The following GRIP1 variants were observed in gnomAD, a reference collection of about 807,000 sequenced individuals.
The protein encoded by GRIP1 is glutamate receptor interacting protein 1, also known as glutamate receptor-interacting protein 1.
Under a neutral mutation model 129.9 loss-of-function variants are expected in GRIP1, and 45 were observed. The ratio of observed to expected loss-of-function variants is 0.35; its 90% CI spans 0.27 to 0.44. The LOEUF is 0.44. GRIP1 is among the 20% of genes least tolerant of loss of function. The pLI is 1.00. For missense variants in GRIP1, 1,196 were observed against 1,396.8 expected, an observed-to-expected ratio of 0.86 and a Z score of 2.29; for synonymous variants, 530 against 520.8, an observed-to-expected ratio of 1.02 and a Z score of -0.24.
intron 13 of GRIP1, among the ~76,000 whole-genome samples, chr12:66,436,341 G>A (rs1192822203): frequency 1.3e-5 from 2 of 152,008 alleles, no homozygotes; most frequent in Admixed American, 1.3e-4. Flanking sequence ...CCATAATGAT[G>A]GCAAACATTA....
intron 1 of GRIP1, among the ~76,000 whole-genome samples, chr12:66,779,236 T>C (rs893050987): frequency 1.3e-5 from 2 of 152,166 alleles, no homozygotes; most frequent in Admixed American, 6.5e-5. Context: ...GACTTTACTA[T>C]CTGACAAACC....
chr12:66,668,282 A>G (rs2033901163), intron 1 of GRIP1, among the ~76,000 whole-genome samples: 1 of 152,198 alleles, frequency 6.6e-6, no homozygotes. Flanking sequence ...AAATTTATCA[A>G]CAAACCATTT....
chr12:66,570,786 C>T (rs775333455), intron 2 of GRIP1, among the ~76,000 whole-genome samples: 3 of 152,100 alleles, frequency 2.0e-5, no homozygotes, highest in Non-Finnish European at 2.9e-5. Context: ...AGAACTCCCT[C>T]CCCTCAAATT....
chr12:66,771,666 A>T (rs2136725779), intron 1 of GRIP1, among the ~76,000 whole-genome samples: 1 of 152,292 alleles, frequency 6.6e-6, no homozygotes, highest in South Asian at 2.1e-4. Context: ...TACACAAATG[A>T]CCTGGCTTTT....
intron 15 of GRIP1, among the ~76,000 whole-genome samples, chr12:66,412,108 T>C (rs900613951): frequency 2.0e-5 from 3 of 152,142 alleles, no homozygotes; most frequent in Non-Finnish European, 4.4e-5. Flanking sequence ...AGGCCAACAT[T>C]CAAATTTAGG....
chr12:66,759,314 CA>C lies in GRIP1; in HGVS notation c.-420+44738del, dbSNP rs573766443. Among the ~76,000 whole-genome samples, 20 of 152,342 alleles carry C rather than the reference CA, an allele frequency of 1.3e-4. No individual in the cohort carries two copies. In the East Asian group the frequency reaches 3.7e-3, roughly 28 times the overall value. On this transcript the variant is annotated intron_variant, in intron 1 of 4. Coordinates refer to the GRIP1 transcript ENST00000538373. ...CCCCTTTCACCCATGGCTGGAGCCA[CA>C]GGGCACCAAGTCCCTAGGCTGCACA...
At chr12:66,433,686 T>C (rs551348640) in intron 13 of GRIP1, among the ~76,000 whole-genome samples, 2 of 152,322 alleles carry the variant, frequency 1.3e-5, no homozygotes, top group Admixed American at 6.5e-5. Context: ...AAAATGGAAA[T>C]ATCCATTGAA....
intron 7 of GRIP1, among the ~76,000 whole-genome samples, chr12:66,513,871 C>A (rs1194946132): frequency 6.6e-6 from 1 of 152,128 alleles, no homozygotes; most frequent in African/African-American, 2.4e-5. Context: ...ACTTGGAGGG[C>A]TCTTCCCTAA....
At chr12:66,634,896 G>A (rs545376552) in intron 1 of GRIP1, among the ~76,000 whole-genome samples, 149 of 152,304 alleles carry the variant, frequency 9.8e-4, no homozygotes, top group African/African-American at 3.4e-3. Flanking sequence ...GGGTGGGAGA[G>A]ATCTCTGGAC....
At chr12:66,613,748 G>A (rs188446666) in intron 1 of GRIP1, among the ~76,000 whole-genome samples, 128 of 152,258 alleles carry the variant, frequency 8.4e-4, no homozygotes, top group African/African-American at 2.9e-3. Flanking sequence ...AGGGCAAATC[G>A]ATTTGTTCTT....
At chr12:67,066,888 T>TTATATATACA (rs1555170036) in intron 1 of GRIP1, among the ~76,000 whole-genome samples, 3 of 125,662 alleles carry the variant, frequency 2.4e-5, no homozygotes, top group Non-Finnish European at 3.3e-5. Context: ...AAATATATAT[T>TTATATATACA]TATATATATA....
At chr12:66,573,224 C>A (rs1366554322) in intron 2 of GRIP1, among the ~76,000 whole-genome samples, 1 of 152,052 alleles carries the variant, frequency 6.6e-6, no homozygotes, top group African/African-American at 2.4e-5. Context: ...GAAACCAAAG[C>A]CCTGAACTGA....
At chr12:66,366,652 A>C (rs1301244454) in intron 23 of GRIP1, among the ~76,000 whole-genome samples, 1 of 152,216 alleles carries the variant, frequency 6.6e-6, no homozygotes, top group African/African-American at 2.4e-5. Flanking sequence ...TGAATGACAA[A>C]GCAAAAGGAA....
chr12:66,624,932 T>C (rs2065422167), intron 1 of GRIP1, among the ~76,000 whole-genome samples: 1 of 151,880 alleles, frequency 6.6e-6, no homozygotes, highest in Non-Finnish European at 1.5e-5. Flanking sequence ...TGCCATGTTT[T>C]AAAACGTCAA....
intron 17 of GRIP1, among the ~76,000 whole-genome samples, chr12:66,393,969 A>T (rs1400760712): frequency 6.6e-6 from 1 of 152,194 alleles, no homozygotes; most frequent in Non-Finnish European, 1.5e-5. Context: ...TGGTCAGCTT[A>T]TACATTTCAG....
At chr12:66,975,175 G>A (rs1173293487) in intron 1 of GRIP1, among the ~76,000 whole-genome samples, 2 of 152,118 alleles carry the variant, frequency 1.3e-5, no homozygotes, top group African/African-American at 4.8e-5. Context: ...ATCTCACCCT[G>A]CAAGGTCAGA....
chr12:66,534,533 T>A (rs548262955), intron 4 of GRIP1, among the ~76,000 whole-genome samples: 12 of 152,198 alleles, frequency 7.9e-5, no homozygotes, highest in Non-Finnish European at 1.8e-4. Context: ...ATATGGCTTA[T>A]AAGGCCATAT....
chr12:66,818,539 C>T (rs916794904), intron 1 of GRIP1, among the ~76,000 whole-genome samples: 1 of 152,148 alleles, frequency 6.6e-6, no homozygotes, highest in Non-Finnish European at 1.5e-5. Context: ...GTAGCTAATT[C>T]AGTTCACAAC....
chr12:66,668,499 G>T (rs756557434), intron 1 of GRIP1, among the ~76,000 whole-genome samples: 1 of 152,186 alleles, frequency 6.6e-6, no homozygotes, highest in African/African-American at 2.4e-5. Flanking sequence ...CTGGTCCCCT[G>T]CCAGTATTTT....
Sources: gnomAD v4.1 joint callset for allele counts (sites outside exome capture counted in the v4.1 genomes callset) on GRCh38, gnomAD v4.1.1 for gene constraint, MANE v1.5 for transcripts, NCBI Gene and HGNC (gene_info 2026-07-23, HGNC 2026-07-21) for gene names.